The following FAF1 variants were observed in gnomAD, a reference collection of about 807,000 sequenced individuals.
FAF1 encodes the protein Fas associated factor 1.
FAF1 carries 25 observed loss-of-function variants against 92.5 expected under a neutral mutation model. The observed-to-expected ratio is 0.27, with a 90% confidence interval of 0.20 to 0.38. The LOEUF (loss-of-function observed/expected upper bound fraction) is 0.38. FAF1 is among the 10% of genes least tolerant of loss of function. The pLI is 1.00. For missense variants in FAF1, 636 were observed against 793.3 expected (o/e 0.80, Z 2.38); for synonymous variants, 234 against 273.2 (o/e 0.86, Z 1.42).
intron 1 of FAF1, among the ~76,000 whole-genome samples, chr1:50,931,287 T>G (rs567856669): frequency 3.9e-5 from 6 of 152,346 alleles, no homozygotes; most frequent in African/African-American, 1.4e-4. Context: ...GTTTCTTATC[T>G]GCATTGTTTA....
intron 5 of FAF1, among the ~76,000 whole-genome samples, chr1:50,741,301 T>G (rs148720470): frequency 9.2e-4 from 140 of 152,352 alleles, no homozygotes; most frequent in African/African-American, 3.2e-3. Flanking sequence ...GTAAAGAGCT[T>G]GAGCCTATTA....
chr1:50,472,424 A>AC lies in FAF1; in HGVS notation c.1869+3039_1869+3040insG, dbSNP rs1553216761. On this transcript the variant is annotated intron_variant, in intron 18 of 18. Coordinates refer to ENST00000396153, the MANE Select transcript of FAF1 (RefSeq NM_007051.3). ...ACACACACACACACACACACACACA[A>AC]ACCCCAAAACCAAGTAACTCAATGC... is the stretch of plus-strand genomic sequence containing the variant. Among the ~76,000 whole-genome samples the AC allele has an allele frequency of 3.4e-3, 326 of 96,124 alleles. 3 individuals are homozygous for AC. The highest frequency in any genetic ancestry group is 6.5e-3 in the African/African-American group (182 of 27,888). The allele number at this position is 96,124 out of a possible 152,430, so 63.1% of individuals were successfully genotyped here. A position where few individuals can be genotyped will look rare whatever the true frequency, so the allele number is the denominator to read the frequency against.
At position 50,789,862 on chromosome 1, in the gene FAF1, C is replaced by T. The variant is rs534726738; in HGVS notation, c.162-1657G>A. 4.6e-5 allele frequency among the ~76,000 whole-genome samples: 7 copies of T among 152,264 alleles called. No homozygotes were observed. In the South Asian group the frequency reaches 1.5e-3, roughly 32 times the overall value. On this transcript the variant is annotated intron_variant, in intron 3 of 18. Transcript: ENST00000396153. The stretch of plus-strand genomic sequence containing the variant: ...ATCTCCAGCCCTCTATGCTAACAGG[C>T]GCATGGTCTTTCATTTCTTCTCTCA...
intron 1 of FAF1, among the ~76,000 whole-genome samples, chr1:50,953,738 T>TAAACAAA (rs1645239919): frequency 6.6e-6 from 1 of 151,238 alleles, no homozygotes; most frequent in African/African-American, 2.4e-5. Flanking sequence ...AAACTCTGTC[T>TAAACAAA]CAAACAAAAA....
At chr1:50,637,696 T>TGTGTGTGC (rs1654114995) in intron 8 of FAF1, among the ~76,000 whole-genome samples, 1 of 150,422 alleles carries the variant, frequency 6.6e-6, no homozygotes, top group Non-Finnish European at 1.5e-5. Flanking sequence ...TGTGTGTGTG[T>TGTGTGTGC]GTGTGTGTGT....
chr1:50,497,839 C>T (rs115653780), intron 15 of FAF1, among the ~76,000 whole-genome samples: 1,891 of 151,948 alleles, frequency 0.012, 35 homozygotes, highest in African/African-American at 0.041. Context: ...TGTGCCACCG[C>T]GCCCGGGCTC....
At chr1:50,693,390 A>G (rs1290538862) in intron 7 of FAF1, among the ~76,000 whole-genome samples, 1 of 152,144 alleles carries the variant, frequency 6.6e-6, no homozygotes, top group African/African-American at 2.4e-5. Context: ...TAGTGCACTG[A>G]TCTATCTGTC....
intron 6 of FAF1, among the ~76,000 whole-genome samples, chr1:50,711,522 T>G (rs929808814): frequency 5.0e-5 from 7 of 139,316 alleles, no homozygotes; most frequent in Non-Finnish European, 1.1e-4. Context: ...CAGGCTGGAG[T>G]GCAATGGCAT....
intron 1 of FAF1, among the ~76,000 whole-genome samples, chr1:50,952,203 C>A (rs997224124): frequency 6.6e-6 from 1 of 152,206 alleles, no homozygotes; most frequent in African/African-American, 2.4e-5. Flanking sequence ...ACTGCAACCT[C>A]CCTGCCTGAT....
In FAF1 at chr1:50,952,620, G is replaced by A. The variant is rs193130620; in HGVS notation, c.45+7147C>T. Reference sequence around the variant, plus strand: ...TGCCCAGCCGCCCAGTCTGGGAAGTGAGGAGCGCCTCTTCCCGGCCGCCAT... The same window carrying A: ...TGCCCAGCCGCCCAGTCTGGGAAGTAAGGAGCGCCTCTTCCCGGCCGCCAT... On this transcript the variant is annotated intron_variant, in intron 1 of 18. Transcript: ENST00000396153. 8.4e-3 allele frequency among the ~76,000 whole-genome samples: 1,278 copies of A among 152,150 alleles called. 17 individuals carry two copies. The highest frequency in any genetic ancestry group is 0.029 in the African/African-American group (1,182 of 41,462).
chr1:50,953,366 G>A lies in FAF1; in HGVS notation c.45+6401C>T, dbSNP rs143446041. Among the ~76,000 whole-genome samples the A allele has an allele frequency of 3.5e-3, 521 of 150,902 alleles. 1 individual carries two copies. The highest frequency in any genetic ancestry group is 0.012 in the African/African-American group (500 of 41,060). On this transcript the variant is annotated intron_variant, in intron 1 of 18. Transcript: ENST00000396153. The stretch of plus-strand genomic sequence containing the variant: ...ATGACCCTGCCAAATCCCCCTCTCC[G>A]AGAAACACCCAAGAATAATCAATAA...
intron 2 of FAF1, among the ~76,000 whole-genome samples, chr1:50,827,838 A>G (rs1244569700): frequency 6.6e-6 from 1 of 152,202 alleles, no homozygotes; most frequent in African/African-American, 2.4e-5. Flanking sequence ...CTAAAAGAGT[A>G]CTAAGAGATA....
At chr1:50,709,017 T>C (rs1298187801) in intron 6 of FAF1, among the ~76,000 whole-genome samples, 2 of 152,174 alleles carry the variant, frequency 1.3e-5, no homozygotes, top group African/African-American at 4.8e-5. Context: ...TTGAATGAAT[T>C]TGAGGACAGA....
intron 1 of FAF1, among the ~76,000 whole-genome samples, chr1:50,863,180 A>G (rs150515189): frequency 1.3e-5 from 2 of 152,116 alleles, no homozygotes; most frequent in African/African-American, 4.8e-5. Flanking sequence ...AGACCACAGT[A>G]GAATAAAATT....
chr1:50,478,777 T>C (rs1484489643), intron 17 of FAF1, among the ~76,000 whole-genome samples: 1 of 152,244 alleles, frequency 6.6e-6, no homozygotes, highest in Non-Finnish European at 1.5e-5. Context: ...TTTTATATAT[T>C]TGAAACTTTT....
intron 8 of FAF1, among the ~76,000 whole-genome samples, chr1:50,633,639 G>C (rs1653885545): frequency 6.6e-6 from 1 of 152,214 alleles, no homozygotes; most frequent in South Asian, 2.1e-4. Flanking sequence ...ATAAGTATCT[G>C]TGGGTCTATG....
intron 8 of FAF1, among the ~76,000 whole-genome samples, chr1:50,596,867 T>C (rs998145866): frequency 6.6e-6 from 1 of 152,244 alleles, no homozygotes; most frequent in Non-Finnish European, 1.5e-5. Flanking sequence ...GACATGATTA[T>C]TCCTAGAGCT....
chr1:50,925,138 G>A (rs190149550), intron 1 of FAF1, among the ~76,000 whole-genome samples: 4 of 152,088 alleles, frequency 2.6e-5, no homozygotes, highest in African/African-American at 9.7e-5. Flanking sequence ...TTCAATAAAT[G>A]GTGCTAAGAA....
At chr1:50,780,803 G>T in intron 4 of FAF1, 3 of 393,790 alleles carry the variant, frequency 7.6e-6, no homozygotes, top group Non-Finnish European at 1.5e-5. Flanking sequence ...GACTTACGGA[G>T]TGAGCAGCCA....
Sources: gnomAD v4.1 joint callset for allele counts (sites outside exome capture counted in the v4.1 genomes callset) on GRCh38, gnomAD v4.1.1 for gene constraint, MANE v1.5 for transcripts, NCBI Gene and HGNC (gene_info 2026-07-23, HGNC 2026-07-21) for gene names.